NGLY1: variants seen among roughly 807,000 people sequenced by gnomAD.
The protein encoded by NGLY1 is N-glycanase 1.
In NGLY1, 68 loss-of-function variants were observed where a neutral mutation model predicts 84.6. That is an observed-to-expected ratio of 0.80 (90% confidence interval 0.66 to 0.98). The LOEUF is 0.98. Ranked by LOEUF, NGLY1 falls within the 50% of genes least tolerant of loss-of-function variation. The pLI is 0.00. For synonymous variants in NGLY1, 280 were observed against 275.2 expected, an observed-to-expected ratio of 1.02 and a Z score of -0.17; for missense variants, 779 against 770.2, an observed-to-expected ratio of 1.01 and a Z score of -0.14.
At position 25,751,099 on chromosome 3, in the gene NGLY1, T is replaced by A. The variant is rs376646172; in HGVS notation, c.657A>T (p.Lys219Asn). The A allele has an allele frequency of 6.2e-7, 1 of 1,610,354 alleles. No individual in the cohort carries two copies. Among genetic ancestry groups the A allele is most frequent in the Middle Eastern group, 1.7e-4 (1 of 6,036 alleles). The change falls in exon 4 of 12, where the codon AAA becomes AAT. Residue 219 changes from lysine (K) to asparagine (N), a missense_variant and splice_region_variant. By Grantham distance (94) the Lys-to-Asn change is moderately conservative. Transcript: ENST00000280700. ...EKLSRARKLDKGINISDEDFL... is the reference protein window; with the variant it reads ...EKLSRARKLDNGINISDEDFL... The stretch of plus-strand genomic sequence containing the variant: ...TAAATGATTATGTAAAGCTACTACC[T>A]TTATCCAATTTTCTAGCTCTCGATA...
intron 8 of NGLY1, among the ~76,000 whole-genome samples, 186 bp from the exon 9 acceptor site, chr3:25,732,669 A>C (rs1242079930): frequency 6.6e-6 from 1 of 152,162 alleles, no homozygotes; most frequent in African/African-American, 2.4e-5. Flanking sequence ...TAATTTTATA[A>C]ATTTTATGTT....
At chr3:25,724,266 T>C (rs1398124732) in intron 10 of NGLY1, among the ~76,000 whole-genome samples, 1 of 152,192 alleles carries the variant, frequency 6.6e-6, no homozygotes, top group Non-Finnish European at 1.5e-5. Context: ...CTGCTAAGAT[T>C]CACTCAAGTT....
intron 1 of NGLY1, among the ~76,000 whole-genome samples, chr3:25,789,108 A>G (rs938268267): frequency 6.6e-5 from 10 of 152,202 alleles, no homozygotes; most frequent in Non-Finnish European, 1.5e-4. Flanking sequence ...TGAAAAACAG[A>G]TGTTCGATGA....
At chr3:25,769,737 AT>A (rs1707804095) in intron 2 of NGLY1, among the ~76,000 whole-genome samples, 1 of 152,182 alleles carries the variant, frequency 6.6e-6, no homozygotes, top group African/African-American at 2.4e-5. Context: ...ATGATCTTTA[AT>A]TTTTTAAAAA....
chr3:25,726,889 A>C (rs1204274616), intron 10 of NGLY1, among the ~76,000 whole-genome samples: 1 of 152,228 alleles, frequency 6.6e-6, no homozygotes, highest in Non-Finnish European at 1.5e-5. Flanking sequence ...TTCAGACATT[A>C]CTGAACAATG....
rs1705593111 is a variant in NGLY1 at position 25,732,503 on chromosome 3, A to T, written c.1261-20T>A. 6.2e-7 allele frequency: 1 copy of T among 1,604,576 alleles called. No individual in the cohort carries two copies. Among genetic ancestry groups the T allele is most frequent in the African/African-American group, 1.3e-5 (1 of 74,308 alleles). Reference sequence around the variant, plus strand: ...TTGCCTCTGTAATTCATGTTTTTTAAAAAAGTTGTTAAGATTAGGGGAATG... The same window carrying T: ...TTGCCTCTGTAATTCATGTTTTTTATAAAAGTTGTTAAGATTAGGGGAATG... On this transcript the variant is annotated intron_variant, in intron 8 of 11. Transcript: ENST00000280700.
intron 4 of NGLY1, 51 bp downstream of exon 4, chr3:25,751,047 T>TATTTAGCAATGATTTAC: frequency 1.3e-6 from 2 of 1,550,986 alleles, no homozygotes; most frequent in South Asian, 1.2e-5. Context: ...ATTTTCTGTT[T>TATTTAGCAATGATTTAC]ATTTAGCAAT....
At chr3:25,776,994 A>G (rs1338998618) in intron 2 of NGLY1, among the ~76,000 whole-genome samples, 2 of 152,194 alleles carry the variant, frequency 1.3e-5, no homozygotes, top group Non-Finnish European at 2.9e-5. Flanking sequence ...CTAATGTAAT[A>G]AGCTTTCTAA....
intron 9 of NGLY1, 115 bp downstream of exon 9, chr3:25,732,204 T>G: frequency 1.2e-6 from 1 of 827,576 alleles, no homozygotes; most frequent in Non-Finnish European, 1.8e-6. Flanking sequence ...TTAAAATAAT[T>G]ACTCTCAAGT....
chr3:25,749,916 T>C, intron 4 of NGLY1: 1 of 730,650 alleles, frequency 1.4e-6, no homozygotes, highest in Non-Finnish European at 2.3e-6. Context: ...GTGCATGTTT[T>C]GTGTTTAAAT....
At chr3:25,728,132 G>T (rs183921943) in intron 10 of NGLY1, among the ~76,000 whole-genome samples, 1 of 152,172 alleles carries the variant, frequency 6.6e-6, no homozygotes, top group Admixed American at 6.6e-5. Flanking sequence ...TTTAGTATTA[G>T]ACAATGTGAT....
chr3:25,731,036 C>T (rs751072526), intron 9 of NGLY1, among the ~76,000 whole-genome samples: 18 of 151,976 alleles, frequency 1.2e-4, no homozygotes, highest in Admixed American at 5.2e-4. Flanking sequence ...TTAGGACCTA[C>T]CTATGGAAAT....
At chr3:25,744,813 A>G (rs1706335386) in intron 4 of NGLY1, among the ~76,000 whole-genome samples, 2 of 152,200 alleles carry the variant, frequency 1.3e-5, no homozygotes, top group African/African-American at 2.4e-5. Context: ...TGGTCTGGAA[A>G]TGTAATGGCT....
chr3:25,789,964 T>C lies in NGLY1; in HGVS notation c.-99A>G, dbSNP rs974007811. Reference sequence around the variant, plus strand: ...AGCTACCCAGCCGCCTCCCACGGTCTGACCTCAGCCAAGGTGACGCGGCTT... The same window carrying C: ...AGCTACCCAGCCGCCTCCCACGGTCCGACCTCAGCCAAGGTGACGCGGCTT... On this transcript the variant is annotated 5_prime_UTR_variant, in exon 1 of 12. Coordinates refer to the NGLY1 transcript ENST00000417874. 4.2e-6 allele frequency: 6 copies of C among 1,440,352 alleles called. No individual in the cohort carries two copies. In the East Asian group the frequency reaches 1.2e-4, roughly 30 times the overall value. The allele number at this position is 1,440,352 out of a possible 1,614,324, so 89.2% of individuals were successfully genotyped here. A position where few individuals can be genotyped will look rare whatever the true frequency, so the allele number is the denominator to read the frequency against.
At chr3:25,726,137 A>G (rs969579625) in intron 10 of NGLY1, among the ~76,000 whole-genome samples, 1 of 152,090 alleles carries the variant, frequency 6.6e-6, no homozygotes, top group African/African-American at 2.4e-5. Context: ...TCAAAACCAA[A>G]AAGTATCTAA....
chr3:25,762,756 C>T (rs1707376706), intron 3 of NGLY1, among the ~76,000 whole-genome samples: 5 of 152,070 alleles, frequency 3.3e-5, no homozygotes, highest in Admixed American at 3.3e-4. Flanking sequence ...GTTTTGAGAC[C>T]AGCCTGGCAC....
chr3:25,769,184 C>A (rs1213078391), intron 2 of NGLY1, among the ~76,000 whole-genome samples: 2 of 151,932 alleles, frequency 1.3e-5, no homozygotes, highest in Non-Finnish European at 2.9e-5. Context: ...CATGGTGAAA[C>A]CCCATCTCTA....
chr3:25,760,995 T>C (rs908889092), intron 3 of NGLY1, among the ~76,000 whole-genome samples: 2 of 151,520 alleles, frequency 1.3e-5, no homozygotes, highest in Admixed American at 1.3e-4. Flanking sequence ...AGTTTTAAAA[T>C]TAACTAGTTC....
chr3:25,751,015 C>T, intron 4 of NGLY1, 83 bp downstream of exon 4: 2 of 1,380,830 alleles, frequency 1.4e-6, no homozygotes, highest in Non-Finnish European at 2.0e-6. Flanking sequence ...CCATGTTCTT[C>T]AAGGGTCAGT....
Sources: gnomAD v4.1 joint callset for allele counts (sites outside exome capture counted in the v4.1 genomes callset) on GRCh38, gnomAD v4.1.1 for gene constraint, MANE v1.5 for transcripts, NCBI Gene and HGNC (gene_info 2026-07-23, HGNC 2026-07-21) for gene names.